Variants in IL1RAPL2 observed in about 807,000 individuals in gnomAD.
IL1RAPL2 encodes the protein interleukin 1 receptor accessory protein like 2, also known as X-linked interleukin-1 receptor accessory protein-like 2.
Under a neutral mutation model 44.1 loss-of-function variants are expected in IL1RAPL2, and 3 were observed. That is an observed-to-expected ratio of 0.07 (90% confidence interval 0.03 to 0.18). The LOEUF is 0.18. Among genes scored for constraint, IL1RAPL2 ranks in the 10% least tolerant of loss-of-function variants. The probability of loss-of-function intolerance (pLI) is 1.00; values close to 1 mark genes in which losing one functional copy is unlikely to be tolerated. For missense variants in IL1RAPL2, 391 were observed against 496.4 expected, an observed-to-expected ratio of 0.79 and a Z score of 2.02; for synonymous variants, 181 against 178.8, an observed-to-expected ratio of 1.01 and a Z score of -0.10.
At chrX:105,460,742 C>T (rs1222767769) in intron 5 of IL1RAPL2, among the ~76,000 whole-genome samples, 1 of 111,715 alleles carries the variant, frequency 9.0e-6, no homozygotes, top group Non-Finnish European at 1.9e-5. Context: ...GTTTTCTAGT[C>T]CTTTCATTTT....
intron 6 of IL1RAPL2, among the ~76,000 whole-genome samples, chrX:105,697,740 TATTC>T (rs2076060126): frequency 8.9e-6 from 1 of 111,873 alleles, no homozygotes; most frequent in African/African-American, 3.2e-5. Context: ...TATTATGTCT[TATTC>T]ATATATACAC....
At chrX:105,565,172 G>A (rs776207684) in intron 6 of IL1RAPL2, among the ~76,000 whole-genome samples, 1 of 111,868 alleles carries the variant, frequency 8.9e-6, no homozygotes, top group Non-Finnish European at 1.9e-5. Context: ...TAGGTGTTGG[G>A]AAAATTGGTG....
At chrX:104,745,654 A>G (rs1461242214) in intron 2 of IL1RAPL2, among the ~76,000 whole-genome samples, 1 of 111,860 alleles carries the variant, frequency 8.9e-6, no homozygotes, top group Non-Finnish European at 1.9e-5. Context: ...AAATATTGCA[A>G]TGAGAGCGTT....
intron 2 of IL1RAPL2, among the ~76,000 whole-genome samples, chrX:105,004,043 C>A (rs933254036): frequency 9.0e-6 from 1 of 111,138 alleles, no homozygotes; most frequent in African/African-American, 3.3e-5. Context: ...ACATGTCACT[C>A]CTGAGATTTC....
intron 6 of IL1RAPL2, among the ~76,000 whole-genome samples, chrX:105,675,213 G>A (rs948537513): frequency 2.7e-5 from 3 of 111,471 alleles, no homozygotes; most frequent in African/African-American, 9.8e-5. Context: ...TAGCAGTGGT[G>A]AGAAAGGGCA....
chrX:105,259,029 C>T (rs763569816), intron 4 of IL1RAPL2, among the ~76,000 whole-genome samples: 25 of 111,843 alleles, frequency 2.2e-4, no homozygotes, highest in East Asian at 8.5e-4. Flanking sequence ...GGAGTTCTTG[C>T]GTTGGTTCTT....
At chrX:104,698,525 C>A (rs1249897294) in intron 2 of IL1RAPL2, among the ~76,000 whole-genome samples, 1 of 111,775 alleles carries the variant, frequency 8.9e-6, no homozygotes, top group Non-Finnish European at 1.9e-5. Context: ...TACCCTGCCT[C>A]CGGTTCATAG....
intron 1 of IL1RAPL2, among the ~76,000 whole-genome samples, chrX:104,649,694 T>A (rs1444630825): frequency 9.0e-6 from 1 of 111,523 alleles, no homozygotes; most frequent in African/African-American, 3.3e-5. Flanking sequence ...AAGAAATGAT[T>A]ATAATTGTGT....
At chrX:105,686,369 C>G (rs1320978158) in intron 6 of IL1RAPL2, among the ~76,000 whole-genome samples, 7 of 26,388 alleles carry the variant, frequency 2.7e-4, no homozygotes, top group African/African-American at 1.1e-3. Context: ...ATCTACCAAG[C>G]AAATGGAAAG....
At position 105,416,284 on chromosome X, in the gene IL1RAPL2, G is replaced by C. The variant is rs759432806; in HGVS notation, c.698-68029G>C. Among the ~76,000 whole-genome samples the C allele has an allele frequency of 6.3e-5, 7 of 111,755 alleles. No individual in the cohort carries two copies. The East Asian group carries it at 1.4e-3, about 23-fold the overall frequency. ...TGCCTTAGATACATCTCTATCTTTTGCTGCTATTTCCCCATCCACTCATAC... is the reference window on the plus strand; with the variant it reads ...TGCCTTAGATACATCTCTATCTTTTCCTGCTATTTCCCCATCCACTCATAC... On this transcript the variant is annotated intron_variant, in intron 5 of 10. Coordinates refer to ENST00000372582, the MANE Select transcript of IL1RAPL2 (RefSeq NM_017416.2).
intron 2 of IL1RAPL2, among the ~76,000 whole-genome samples, chrX:105,021,237 A>G (rs1428189515): frequency 9.0e-6 from 1 of 111,610 alleles, no homozygotes; most frequent in Non-Finnish European, 1.9e-5. Context: ...TTATTCTTTC[A>G]GTAGGAGCAT....
intron 2 of IL1RAPL2, among the ~76,000 whole-genome samples, chrX:104,946,825 T>C (rs1277288084): frequency 3.1e-5 from 3 of 95,402 alleles, no homozygotes; most frequent in African/African-American, 1.2e-4. Context: ...TTGTTGGACA[T>C]TTGGGTTGGT....
At chrX:104,794,471 C>T (rs1008921216) in intron 2 of IL1RAPL2, among the ~76,000 whole-genome samples, 2 of 111,203 alleles carry the variant, frequency 1.8e-5, no homozygotes, top group Non-Finnish European at 3.8e-5. Context: ...ACATCTACCA[C>T]TAACTCACTT....
intron 6 of IL1RAPL2, among the ~76,000 whole-genome samples, chrX:105,596,040 G>A (rs1199804711): frequency 2.7e-5 from 3 of 110,207 alleles, no homozygotes; most frequent in Non-Finnish European, 5.7e-5. Context: ...CTCTTTTTTA[G>A]TTAGTCTAGC....
intron 2 of IL1RAPL2, among the ~76,000 whole-genome samples, chrX:105,018,497 T>A (rs2031225867): frequency 9.0e-6 from 1 of 111,258 alleles, no homozygotes; most frequent in Non-Finnish European, 1.9e-5. Flanking sequence ...TTATAAATAG[T>A]GGTTTCAGTA....
At chrX:105,002,649 A>T (rs1351734473) in intron 2 of IL1RAPL2, among the ~76,000 whole-genome samples, 2 of 110,707 alleles carry the variant, frequency 1.8e-5, no homozygotes, top group Non-Finnish European at 3.8e-5. Context: ...CCTTCCTAGA[A>T]TGAGGAATGT....
intron 2 of IL1RAPL2, among the ~76,000 whole-genome samples, chrX:104,723,282 T>C (rs1328155133): frequency 9.0e-6 from 1 of 111,666 alleles, no homozygotes; most frequent in Non-Finnish European, 1.9e-5. Flanking sequence ...ATTTTTAAAA[T>C]GATTAATTTC....
At chrX:105,665,081 C>T (rs2037749016) in intron 6 of IL1RAPL2, among the ~76,000 whole-genome samples, 1 of 112,032 alleles carries the variant, frequency 8.9e-6, no homozygotes, top group African/African-American at 3.2e-5. Flanking sequence ...AAGTATGCTA[C>T]TGATAAGGGA....
At chrX:105,334,686 C>T (rs755397923) in intron 5 of IL1RAPL2, among the ~76,000 whole-genome samples, 3 of 111,058 alleles carry the variant, frequency 2.7e-5, no homozygotes, top group Admixed American at 9.6e-5. Flanking sequence ...AAATGCTCTC[C>T]TGGACCCTGT....
Sources: gnomAD v4.1 joint callset for allele counts (sites outside exome capture counted in the v4.1 genomes callset) on GRCh38, gnomAD v4.1.1 for gene constraint, MANE v1.5 for transcripts, NCBI Gene and HGNC (gene_info 2026-07-23, HGNC 2026-07-21) for gene names.